PKIB: variants seen among roughly 807,000 people sequenced by gnomAD.
PKIB encodes the protein cAMP-dependent protein kinase inhibitor beta, also known as PKI-beta.
A neutral mutation model predicts 4.5 loss-of-function variants in PKIB; 2 were observed. The observed-to-expected ratio is 0.44, with a 90% CI of 0.18 to 1.39. PKIB has a LOEUF of 1.39. Among genes scored for constraint, PKIB ranks in the 40% most tolerant of loss-of-function variants. The pLI is 0.27. For synonymous variants in PKIB, 38 were observed against 36.0 expected, an observed-to-expected ratio of 1.06 and a Z score of -0.20; for missense variants, 94 against 92.6, an observed-to-expected ratio of 1.02 and a Z score of -0.06.
chr6:122,506,474 A>T (rs1396064473), intron 2 of PKIB, among the ~76,000 whole-genome samples: 1 of 152,000 alleles, frequency 6.6e-6, no homozygotes, highest in African/African-American at 2.4e-5. Context: ...TTATTTTTGG[A>T]TGTGGGCCAG....
At chr6:122,472,110 G>A (rs1775321014) in intron 1 of PKIB, 1 of 216,442 alleles carries the variant, frequency 4.6e-6, no homozygotes, top group Non-Finnish European at 9.2e-6. Context: ...CAGAGCTGAG[G>A]TGGTGGTTGA....
intron 3 of PKIB, among the ~76,000 whole-genome samples, chr6:122,680,618 G>T (rs1248841882): frequency 1.3e-5 from 2 of 152,112 alleles, no homozygotes; most frequent in African/African-American, 4.8e-5. Context: ...GGGAGAATGG[G>T]ACTGCCAGAC....
At chr6:122,627,003 G>A (rs1444917853) in intron 1 of PKIB, among the ~76,000 whole-genome samples, 2 of 150,948 alleles carry the variant, frequency 1.3e-5, no homozygotes, top group Admixed American at 6.6e-5. Context: ...GGGAGGCCGA[G>A]GTGGGTGGAT....
At chr6:122,676,378 C>T (rs181410990) in intron 3 of PKIB, among the ~76,000 whole-genome samples, 15 of 152,182 alleles carry the variant, frequency 9.9e-5, no homozygotes, top group African/African-American at 9.6e-5. Context: ...GCTCACCTCC[C>T]GCTGTGTGGC....
intron 2 of PKIB, among the ~76,000 whole-genome samples, chr6:122,532,204 A>T (rs894854674): frequency 2.6e-5 from 4 of 152,204 alleles, no homozygotes; most frequent in Non-Finnish European, 5.9e-5. Context: ...AAGTATCTAC[A>T]TGCTTCCACC....
At chr6:122,517,947 T>G (rs1445479797) in intron 2 of PKIB, among the ~76,000 whole-genome samples, 1 of 152,234 alleles carries the variant, frequency 6.6e-6, no homozygotes, top group South Asian at 2.1e-4. Context: ...AAAAATAGTT[T>G]TTATATTTTA....
chr6:122,554,509 G>A (rs1772780786), intron 2 of PKIB, among the ~76,000 whole-genome samples: 4 of 152,150 alleles, frequency 2.6e-5, no homozygotes, highest in Admixed American at 2.6e-4. Flanking sequence ...AATAGTGCTT[G>A]TACTCACTTC....
chr6:122,571,841 A>G (rs1773375472), intron 2 of PKIB, among the ~76,000 whole-genome samples: 1 of 152,212 alleles, frequency 6.6e-6, no homozygotes, highest in African/African-American at 2.4e-5. Flanking sequence ...AAAACAAAGT[A>G]TCTAGGTAAA....
chr6:122,564,601 A>T (rs967433141), intron 2 of PKIB, among the ~76,000 whole-genome samples: 1 of 152,216 alleles, frequency 6.6e-6, no homozygotes, highest in African/African-American at 2.4e-5. Context: ...GAAAAGCGGG[A>T]AATTAATAAA....
chr6:122,638,040 AT>A lies in PKIB; in HGVS notation c.-76+4676del, dbSNP rs1382712789. On this transcript the variant is annotated intron_variant, in intron 2 of 4. Coordinates refer to ENST00000368452, the MANE Select transcript of PKIB (RefSeq NM_181795.3). ...TCACTAATAAAAATGAAATAATTCA[AT>A]TTCTGTCTTGAATAATGCAGTAGAT... Among the ~76,000 whole-genome samples the A allele has an allele frequency of 2.0e-5, 3 of 152,202 alleles. No homozygotes were observed. The East Asian group carries it at 5.8e-4, about 29-fold the overall frequency.
chr6:122,498,736 C>T (rs1040729742), intron 2 of PKIB, among the ~76,000 whole-genome samples: 11 of 152,092 alleles, frequency 7.2e-5, no homozygotes, highest in East Asian at 5.8e-4. Flanking sequence ...CTGAATGAAA[C>T]GAAGAGGCAA....
At chr6:122,641,647 C>T (rs1776125809) in intron 2 of PKIB, among the ~76,000 whole-genome samples, 1 of 152,116 alleles carries the variant, frequency 6.6e-6, no homozygotes, top group African/African-American at 2.4e-5. Context: ...AACCCTTATA[C>T]AAGCCACACC....
chr6:122,538,710 G>C (rs1777488034), intron 2 of PKIB, among the ~76,000 whole-genome samples: 1 of 152,016 alleles, frequency 6.6e-6, no homozygotes, highest in African/African-American at 2.4e-5. Flanking sequence ...TTCCAATTCT[G>C]TGAAGAAAGT....
At chr6:122,696,662 A>G (rs1778585450) in intron 3 of PKIB, among the ~76,000 whole-genome samples, 1 of 152,162 alleles carries the variant, frequency 6.6e-6, no homozygotes, top group Non-Finnish European at 1.5e-5. Flanking sequence ...GAGGGCATAG[A>G]ATGATTTAAA....
rs568397309 is a variant in PKIB, at chr6:122,717,941, G to A, written c.147G>A (p.Leu49=). 6.2e-7 allele frequency: 1 copy of A among 1,613,472 alleles called. No individual in the cohort carries two copies. Among genetic ancestry groups the A allele is most frequent in the South Asian group, 1.1e-5 (1 of 91,070 alleles). ...TDGTSDLPLK[L]EALSVKEDAK... is the part of the protein sequence containing the mutation. Reference sequence around the variant, plus strand: ...GAACCTCAGATTTGCCCCTCAAACTGGAGGCTCTCTCCGTGAAGGAAGGTA... The same window carrying A: ...GAACCTCAGATTTGCCCCTCAAACTAGAGGCTCTCTCCGTGAAGGAAGGTA... Residue 49 remains leucine (L), a synonymous_variant, in exon 4 of 5, where the codon CTG becomes CTA. Coordinates refer to ENST00000368452, the MANE Select transcript of PKIB (RefSeq NM_181795.3).
intron 4 of PKIB, among the ~76,000 whole-genome samples, chr6:122,723,959 A>T (rs1582850384): frequency 3.3e-5 from 5 of 152,244 alleles, no homozygotes; most frequent in Admixed American, 3.3e-4. Context: ...TGTTTTGTTC[A>T]TTGCCTTGTA....
intron 1 of PKIB, among the ~76,000 whole-genome samples, chr6:122,621,850 A>G (rs1446016207): frequency 3.3e-5 from 5 of 152,162 alleles, no homozygotes; most frequent in Non-Finnish European, 7.3e-5. Context: ...CCCTCAGAGC[A>G]CATGTCTCTT....
chr6:122,488,349 T>G (rs1212751279), intron 2 of PKIB, among the ~76,000 whole-genome samples: 5 of 152,200 alleles, frequency 3.3e-5, no homozygotes, highest in Admixed American at 3.3e-4. Context: ...TTGCTACGTA[T>G]TTGGCAAACG....
intron 2 of PKIB, among the ~76,000 whole-genome samples, chr6:122,656,558 T>C (rs1776783080): frequency 6.6e-6 from 1 of 152,180 alleles, no homozygotes; most frequent in Non-Finnish European, 1.5e-5. Context: ...ATGCCACATA[T>C]CTGGCTGTCA....
Sources: allele counts gnomAD v4.1 joint callset (sites outside exome capture counted in the v4.1 genomes callset), GRCh38; gene constraint gnomAD v4.1.1; transcripts MANE v1.5; gene names NCBI Gene and HGNC (gene_info 2026-07-23, HGNC 2026-07-21).